MAP3K7: variants seen among roughly 807,000 people sequenced by gnomAD.
The protein encoded by MAP3K7 is mitogen-activated protein kinase kinase kinase 7, also known as TGF-beta activated kinase 1.
MAP3K7 carries 21 observed loss-of-function variants against 84.8 expected under a neutral mutation model. The ratio of observed to expected loss-of-function variants is 0.25; its 90% CI spans 0.18 to 0.36. The LOEUF is 0.36. Among genes scored for constraint, MAP3K7 ranks in the 10% least tolerant of loss-of-function variants. MAP3K7 has a pLI of 1.00. For missense variants in MAP3K7, 503 were observed against 747.7 expected, an observed-to-expected ratio of 0.67 and a Z score of 3.82; for synonymous variants, 241 against 247.7, an observed-to-expected ratio of 0.97 and a Z score of 0.25.
intron 8 of MAP3K7, 132 bp downstream of exon 8, chr6:90,551,917 C>T (rs531280085): frequency 1.7e-5 from 16 of 952,416 alleles, no homozygotes; most frequent in South Asian, 5.7e-5. Context: ...GTAATAAATG[C>T]CCATTCTCAC....
intron 1 of MAP3K7, among the ~76,000 whole-genome samples, chr6:90,578,770 C>T (rs1209172065): frequency 2.6e-5 from 4 of 152,066 alleles, no homozygotes; most frequent in Non-Finnish European, 5.9e-5. Context: ...GAAGGTGCTA[C>T]GTAGCATAAA....
At chr6:90,544,739 A>G (rs1775951858) in intron 11 of MAP3K7, 107 bp from the exon 12 acceptor site, 2 of 906,334 alleles carry the variant, frequency 2.2e-6, no homozygotes, top group Admixed American at 3.8e-5. Flanking sequence ...CATGTTAATA[A>G]CATTTCATGC....
intron 12 of MAP3K7, among the ~76,000 whole-genome samples, chr6:90,543,655 A>G (rs559801144): frequency 1.3e-5 from 2 of 152,198 alleles, no homozygotes; most frequent in Non-Finnish European, 2.9e-5. Flanking sequence ...CAGGCAAAGG[A>G]CAGCATGCTG....
At chr6:90,583,148 G>A (rs952570476) in intron 1 of MAP3K7, among the ~76,000 whole-genome samples, 1 of 152,102 alleles carries the variant, frequency 6.6e-6, no homozygotes, top group Non-Finnish European at 1.5e-5. Flanking sequence ...CCTCCAAAGT[G>A]CTCGGATTAC....
chr6:90,562,900 A>C (rs1391243292), intron 3 of MAP3K7, among the ~76,000 whole-genome samples: 1 of 152,170 alleles, frequency 6.6e-6, no homozygotes, highest in Non-Finnish European at 1.5e-5. Flanking sequence ...TCAAGCAGCA[A>C]CATTTGCTGT....
intron 5 of MAP3K7, among the ~76,000 whole-genome samples, chr6:90,559,833 G>A (rs1048355263): frequency 1.8e-4 from 28 of 152,156 alleles, no homozygotes; most frequent in African/African-American, 6.5e-4. Context: ...GATTCTAGAA[G>A]TATGCTAATC....
Position 90,548,083 on chromosome 6 carries a change from T to C in MAP3K7, c.1044A>G (p.Leu348=), listed in dbSNP as rs1209648456. ...CCTGATTTTTCAACAATTTTGATTC[T>C]AAGCGCTTAATAGTATCATTTGTGG... The part of the protein sequence containing the change: ...VPATNDTIKR[L]ESKLLKNQAK... The change falls in exon 10 of 17, where the codon TTA becomes TTG. Residue 348 remains leucine (L), a synonymous_variant. Transcript: ENST00000369329. 6.2e-7 allele frequency: 1 copy of C among 1,611,450 alleles called. No individual in the cohort carries two copies. Among genetic ancestry groups the C allele is most frequent in the South Asian group, 1.1e-5 (1 of 90,516 alleles).
rs1225525415 is a variant in MAP3K7 at position 90,514,580 on chromosome 6, C to T, written c.*1921G>A. ...AAATGTGTTATAATACAGCAAAACACATCAATGACTATAAATAAAATCTGA... is the reference window on the plus strand; with the variant it reads ...AAATGTGTTATAATACAGCAAAACATATCAATGACTATAAATAAAATCTGA... On this transcript the variant is annotated 3_prime_UTR_variant, in exon 17 of 17. Coordinates refer to ENST00000369329, the MANE Select transcript of MAP3K7 (RefSeq NM_145331.3). 2 of 151,854 alleles carry T rather than the reference C, an allele frequency of 1.3e-5. No homozygotes were observed. Among genetic ancestry groups the T allele is most frequent in the African/African-American group, 2.4e-5 (1 of 41,346 alleles). The allele number at this position is 151,854 out of a possible 1,614,324, so 9.4% of individuals were successfully genotyped here.
intron 1 of MAP3K7, among the ~76,000 whole-genome samples, chr6:90,583,809 CCT>C (rs1480558167): frequency 2.0e-5 from 3 of 152,138 alleles, no homozygotes; most frequent in Non-Finnish European, 4.4e-5. Flanking sequence ...CAACCCATCC[CCT>C]CTTTTATTCC....
At chr6:90,581,067 A>G (rs1269252132) in intron 1 of MAP3K7, among the ~76,000 whole-genome samples, 1 of 152,234 alleles carries the variant, frequency 6.6e-6, no homozygotes, top group African/African-American at 2.4e-5. Flanking sequence ...GCACAAAAAC[A>G]AAAATCAGGT....
intron 13 of MAP3K7, among the ~76,000 whole-genome samples, chr6:90,529,113 T>C (rs1775415835): frequency 6.6e-6 from 1 of 152,192 alleles, no homozygotes; most frequent in Non-Finnish European, 1.5e-5. Flanking sequence ...GGCAAAATGT[T>C]CGTTTACTGA....
At chr6:90,556,386 A>G (rs1464457683) in intron 6 of MAP3K7, 114 bp downstream of exon 6, 3 of 1,080,516 alleles carry the variant, frequency 2.8e-6, no homozygotes, top group Non-Finnish European at 2.6e-6. Flanking sequence ...TTCATTGTAT[A>G]CTTTATGTAT....
At chr6:90,575,564 T>G (rs1299623426) in intron 1 of MAP3K7, among the ~76,000 whole-genome samples, 4 of 152,116 alleles carry the variant, frequency 2.6e-5, no homozygotes, top group African/African-American at 7.2e-5. Context: ...AGAAAAGCTC[T>G]TGTGAAGCAA....
intron 13 of MAP3K7, among the ~76,000 whole-genome samples, 180 bp downstream of exon 13, chr6:90,536,157 T>A (rs75617377): frequency 0.014 from 2,180 of 152,236 alleles, 22 homozygotes; most frequent in Admixed American, 0.021. Flanking sequence ...ATCTTTCAAG[T>A]TAAATTAACA....
chr6:90,561,239 G>GA (rs968031497), intron 4 of MAP3K7, among the ~76,000 whole-genome samples: 11 of 145,794 alleles, frequency 7.5e-5, no homozygotes, highest in East Asian at 2.0e-4. Context: ...ATTTTTTTTT[G>GA]AAAAAAAAGA....
chr6:90,516,703 T>A (rs1482154172), intron 16 of MAP3K7, 22 bp from the exon 17 acceptor site: 1 of 1,560,348 alleles, frequency 6.4e-7, no homozygotes, highest in Admixed American at 2.1e-5. Flanking sequence ...TACCACATAA[T>A]ATTACACATG....
intron 7 of MAP3K7, among the ~76,000 whole-genome samples, chr6:90,553,175 G>C (rs539818529): frequency 6.6e-6 from 1 of 152,184 alleles, no homozygotes; most frequent in East Asian, 1.9e-4. Flanking sequence ...CTCCCTAAGA[G>C]AGAGCCAACT....
chr6:90,567,273 C>T (rs9359894), intron 3 of MAP3K7, among the ~76,000 whole-genome samples: 16 of 152,086 alleles, frequency 1.1e-4, no homozygotes, highest in East Asian at 9.7e-4. Flanking sequence ...AGAGTGAACA[C>T]GCAACCTACA....
chr6:90,524,640 A>G (rs812606), intron 13 of MAP3K7, among the ~76,000 whole-genome samples: 36,368 of 152,090 alleles, frequency 0.24, 4,636 homozygotes, highest in Middle Eastern at 0.29. Context: ...TTCTTACCAC[A>G]TAAGTTTTTC....
Sources: gnomAD v4.1 joint callset for allele counts (sites outside exome capture counted in the v4.1 genomes callset) on GRCh38, gnomAD v4.1.1 for gene constraint, MANE v1.5 for transcripts, NCBI Gene and HGNC (gene_info 2026-07-23, HGNC 2026-07-21) for gene names.